The following PCSK2 variants were observed in gnomAD, a reference collection of about 807,000 sequenced individuals.
The protein encoded by PCSK2 is neuroendocrine convertase 2.
A neutral mutation model predicts 69.7 loss-of-function variants in PCSK2; 14 were observed. The observed-to-expected ratio is 0.20, with a 90% CI of 0.13 to 0.31. The LOEUF (loss-of-function observed/expected upper bound fraction) is 0.31, where lower values mean the gene tolerates loss of function less well. Ranked by LOEUF, PCSK2 falls within the 10% of genes least tolerant of loss-of-function variation. PCSK2 has a pLI of 1.00. For missense variants in PCSK2, 544 were observed against 842.5 expected (o/e 0.65, Z 4.39); for synonymous variants, 307 against 320.7 (o/e 0.96, Z 0.46).
chr20:17,241,933 A>C lies in PCSK2; in HGVS notation c.177+14451A>C, dbSNP rs143924735. 7.3e-3 allele frequency among the ~76,000 whole-genome samples: 1,107 copies of C among 152,328 alleles called. 3 individuals carry two copies. The highest frequency in any genetic ancestry group is 0.014 in the East Asian group (71 of 5,180). Reference sequence around the variant, plus strand: ...TTTTTCTTTCTGGAATGATATATGGAAATGTTGCCTGAGGCTAGAAAGAAA... The same window carrying C: ...TTTTTCTTTCTGGAATGATATATGGCAATGTTGCCTGAGGCTAGAAAGAAA... On this transcript the variant is annotated intron_variant, in intron 1 of 11. Transcript: ENST00000262545.
chr20:17,250,721 A>C (rs1471397889), intron 1 of PCSK2, among the ~76,000 whole-genome samples: 1 of 152,160 alleles, frequency 6.6e-6, no homozygotes, highest in Non-Finnish European at 1.5e-5. Flanking sequence ...AAAAACACTA[A>C]AACAAGCCAG....
intron 5 of PCSK2, among the ~76,000 whole-genome samples, chr20:17,382,303 T>C (rs2031109503): frequency 6.6e-6 from 1 of 152,242 alleles, no homozygotes; most frequent in Non-Finnish European, 1.5e-5. Flanking sequence ...TCACATTTAA[T>C]GAGCGTGTTA....
At chr20:17,310,390 T>G (rs1256747149) in intron 2 of PCSK2, among the ~76,000 whole-genome samples, 2 of 152,160 alleles carry the variant, frequency 1.3e-5, no homozygotes, top group Non-Finnish European at 2.9e-5. Flanking sequence ...AATATTTTCT[T>G]ATGTGGAAAT....
intron 2 of PCSK2, among the ~76,000 whole-genome samples, chr20:17,340,596 G>GT (rs1335302398): frequency 6.6e-5 from 10 of 152,038 alleles, no homozygotes; most frequent in Non-Finnish European, 1.0e-4. Flanking sequence ...CTTATCTTGT[G>GT]TTTTTTTCCT....
intron 2 of PCSK2, among the ~76,000 whole-genome samples, chr20:17,332,912 G>A (rs1379913891): frequency 6.6e-6 from 1 of 152,056 alleles, no homozygotes; most frequent in Non-Finnish European, 1.5e-5. Flanking sequence ...TTTGGGCTTT[G>A]GCTGCTCTAA....
chr20:17,450,250 G>C (rs540431663), intron 8 of PCSK2, among the ~76,000 whole-genome samples: 96 of 151,314 alleles, frequency 6.3e-4, no homozygotes, highest in Non-Finnish European at 1.2e-3. Flanking sequence ...GGATGGTCTC[G>C]ATCTCCTGAC....
At chr20:17,462,325 C>T (rs998714990) in intron 10 of PCSK2, among the ~76,000 whole-genome samples, 12 of 152,178 alleles carry the variant, frequency 7.9e-5, no homozygotes, top group African/African-American at 2.4e-4. Flanking sequence ...GGTTGAGAAC[C>T]ACTGTCCCAG....
At chr20:17,473,271 T>C (rs2033237039) in intron 11 of PCSK2, among the ~76,000 whole-genome samples, 1 of 152,050 alleles carries the variant, frequency 6.6e-6, no homozygotes, top group African/African-American at 2.4e-5. Flanking sequence ...TTTTTGTGTT[T>C]TTAGTAGAGA....
chr20:17,320,171 A>G (rs1989819935), intron 2 of PCSK2, among the ~76,000 whole-genome samples: 1 of 152,202 alleles, frequency 6.6e-6, no homozygotes, highest in South Asian at 2.1e-4. Flanking sequence ...CAATGTGCAC[A>G]TGAACTGCCT....
intron 5 of PCSK2, among the ~76,000 whole-genome samples, chr20:17,395,516 C>T (rs1568632044): frequency 6.6e-6 from 1 of 152,102 alleles, no homozygotes; most frequent in African/African-American, 2.4e-5. Context: ...ATTTTTTGTA[C>T]TCAACCACTT....
chr20:17,431,240 C>T (rs1003864376), intron 7 of PCSK2, among the ~76,000 whole-genome samples: 2 of 152,114 alleles, frequency 1.3e-5, no homozygotes, highest in Non-Finnish European at 2.9e-5. Context: ...TGGAGAACAC[C>T]CCTCAGAATT....
At chr20:17,280,059 T>C (rs1988249045) in intron 2 of PCSK2, among the ~76,000 whole-genome samples, 1 of 151,818 alleles carries the variant, frequency 6.6e-6, no homozygotes, top group Non-Finnish European at 1.5e-5. Context: ...CTATTATCAA[T>C]TTAATGTGTA....
At chr20:17,294,611 T>C (rs1202722027) in intron 2 of PCSK2, among the ~76,000 whole-genome samples, 1 of 152,238 alleles carries the variant, frequency 6.6e-6, no homozygotes, top group East Asian at 1.9e-4. Flanking sequence ...TCTTAGCATT[T>C]GGTATTTCCA....
chr20:17,249,401 G>A (rs1186605380), intron 1 of PCSK2, among the ~76,000 whole-genome samples: 1 of 151,650 alleles, frequency 6.6e-6, no homozygotes, highest in Non-Finnish European at 1.5e-5. Context: ...CAGCTACTCG[G>A]GAGGCTGAGG....
Position 17,260,263 on chromosome 20 carries a change from C to T in PCSK2, c.201C>T (p.Tyr67=). ...AGCTTCCCTTTGCTGAAGGTCTGTA[C>T]CACTTTTATCACAATGGCCTTGCAA... The part of the protein sequence containing the change: ...VRKLPFAEGL[Y]HFYHNGLAKA... The change falls in exon 2 of 12, where the codon TAC becomes TAT. Residue 67 remains tyrosine, a synonymous_variant. Transcript: ENST00000262545. 1 of 1,612,804 alleles carries T rather than the reference C, an allele frequency of 6.2e-7. No homozygotes were observed. The highest frequency in any genetic ancestry group is 8.5e-7 in the Non-Finnish European group (1 of 1,178,900).
At chr20:17,277,639 C>A in intron 2 of PCSK2, among the ~76,000 whole-genome samples, 1 of 147,300 alleles carries the variant, frequency 6.8e-6, no homozygotes, top group Non-Finnish European at 1.5e-5. Context: ...TAGGCAATAC[C>A]ATTCAGGACA....
intron 8 of PCSK2, among the ~76,000 whole-genome samples, chr20:17,449,526 G>GTATGTATACATA (rs1555796489): frequency 6.1e-5 from 8 of 130,690 alleles, no homozygotes; most frequent in Non-Finnish European, 1.3e-4. Flanking sequence ...ATGTATGTAT[G>GTATGTATACATA]TATATATATA....
chr20:17,362,934 C>T (rs2030451725), intron 4 of PCSK2, among the ~76,000 whole-genome samples: 2 of 152,196 alleles, frequency 1.3e-5, no homozygotes. Flanking sequence ...TGTAATTGGC[C>T]ATCTCTGTCC....
intron 2 of PCSK2, among the ~76,000 whole-genome samples, chr20:17,290,338 G>T (rs943823131): frequency 6.6e-6 from 1 of 152,106 alleles, no homozygotes; most frequent in Non-Finnish European, 1.5e-5. Flanking sequence ...ATCCCATTTT[G>T]TCATAAGAAT....
Sources: allele counts gnomAD v4.1 joint callset (sites outside exome capture counted in the v4.1 genomes callset), GRCh38; gene constraint gnomAD v4.1.1; transcripts MANE v1.5; gene names NCBI Gene and HGNC (gene_info 2026-07-23, HGNC 2026-07-21).